The following USP7 variants were observed in gnomAD, a reference collection of about 807,000 sequenced individuals.
USP7 encodes ubiquitin specific peptidase 7.
Under a neutral mutation model 162.9 loss-of-function variants are expected in USP7, and 9 were observed. The ratio of observed to expected loss-of-function variants is 0.06; its 90% confidence interval spans 0.03 to 0.10. USP7 has a LOEUF of 0.10. Ranked by LOEUF, USP7 falls within the 10% of genes least tolerant of loss-of-function variation. The probability of loss-of-function intolerance (pLI) is 1.00; values close to 1 mark genes in which losing one functional copy is unlikely to be tolerated. For synonymous variants in USP7, 562 were observed against 475.9 expected (o/e 1.18, Z -2.35); for missense variants, 715 against 1,373.7 (o/e 0.52, Z 7.58).
At chr16:8,956,769 AC>A (rs1357745568) in intron 1 of USP7, among the ~76,000 whole-genome samples, 4 of 133,500 alleles carry the variant, frequency 3.0e-5, no homozygotes, top group East Asian at 2.3e-4. Flanking sequence ...TATTAAAAAA[AC>A]AAAAACAAAA....
chr16:8,900,775 G>A (rs1424138775), intron 20 of USP7, 145 bp from the exon 21 acceptor site: 9 of 730,714 alleles, frequency 1.2e-5, no homozygotes, highest in Non-Finnish European at 2.0e-5. Flanking sequence ...AAAGCTAAAT[G>A]AATAAATCCA....
intron 1 of USP7, among the ~76,000 whole-genome samples, chr16:8,934,643 G>C (rs1027338618): frequency 6.6e-6 from 1 of 152,258 alleles, no homozygotes; most frequent in African/African-American, 2.4e-5. Context: ...AGCAGAATCT[G>C]AGCAAGACCC....
intron 1 of USP7, among the ~76,000 whole-genome samples, chr16:8,931,974 T>C (rs1408707521): frequency 6.6e-6 from 1 of 152,170 alleles, no homozygotes; most frequent in Non-Finnish European, 1.5e-5. Context: ...GGTAGTTGTG[T>C]GTGTGGCCTT....
intron 22 of USP7, 168 bp downstream of exon 22, chr16:8,899,436 T>A: frequency 2.1e-6 from 2 of 941,890 alleles, no homozygotes; most frequent in Non-Finnish European, 3.1e-6. Flanking sequence ...TGATGGCGAT[T>A]ATTCTAGCTC....
chr16:8,960,952 T>C (rs1409570899), intron 1 of USP7, among the ~76,000 whole-genome samples: 1 of 152,148 alleles, frequency 6.6e-6, no homozygotes, highest in Non-Finnish European at 1.5e-5. Context: ...GATAATGAAA[T>C]TGAAACAGAG....
intron 22 of USP7, 30 bp downstream of exon 22, chr16:8,899,574 C>A: frequency 1.2e-6 from 2 of 1,608,824 alleles, no homozygotes; most frequent in Admixed American, 1.7e-5. Context: ...GGAGTGGGAT[C>A]TGAAGAGGAA....
chr16:8,903,235 A>C (rs1315472108), intron 16 of USP7, 33 bp downstream of exon 16: 1 of 1,592,968 alleles, frequency 6.3e-7, no homozygotes, highest in Admixed American at 1.7e-5. Context: ...GTTGGGAGCC[A>C]CGGTGGGGTA....
chr16:8,922,350 T>C (rs939482822), intron 3 of USP7, among the ~76,000 whole-genome samples: 4 of 152,044 alleles, frequency 2.6e-5, no homozygotes, highest in African/African-American at 9.7e-5. Flanking sequence ...TAGCTGGGTG[T>C]GGTGGCACAC....
At chr16:8,948,168 G>A (rs924800627) in intron 1 of USP7, among the ~76,000 whole-genome samples, 6 of 152,138 alleles carry the variant, frequency 3.9e-5, no homozygotes, top group African/African-American at 9.7e-5. Context: ...CTTTCCCACA[G>A]TTCCGCTCCC....
chr16:8,906,650 G>A, intron 12 of USP7, 68 bp from the exon 13 acceptor site: 2 of 1,488,298 alleles, frequency 1.3e-6, no homozygotes, highest in Non-Finnish European at 9.1e-7. Flanking sequence ...TTTACAGTAA[G>A]TAAGGCCATT....
At chr16:8,953,216 C>T (rs889317479) in intron 1 of USP7, among the ~76,000 whole-genome samples, 1 of 152,148 alleles carries the variant, frequency 6.6e-6, no homozygotes, top group Admixed American at 6.5e-5. Context: ...GTAAGCCAGT[C>T]CTGTCTCTCC....
chr16:8,896,796 CCT>C (rs578195916), intron 26 of USP7, among the ~76,000 whole-genome samples: 18 of 152,292 alleles, frequency 1.2e-4, no homozygotes, highest in African/African-American at 4.1e-4. Context: ...GAGGGTTACC[CCT>C]GAGACTTGAA....
At chr16:8,951,733 C>A (rs1215911346) in intron 1 of USP7, among the ~76,000 whole-genome samples, 1 of 152,240 alleles carries the variant, frequency 6.6e-6, no homozygotes, top group Admixed American at 6.5e-5. Context: ...ACATTTAAAT[C>A]TCTCCATACA....
chr16:8,903,287 T>C lies in USP7; in HGVS notation c.1820A>G (p.Gln607Arg), dbSNP rs1306720049. 4 of 1,613,884 alleles carry C rather than the reference T, an allele frequency of 2.5e-6. No homozygotes were observed. Among genetic ancestry groups the C allele is most frequent in the Non-Finnish European group, 3.4e-6 (4 of 1,179,964 alleles). Reference sequence around the variant, plus strand: ...ACGCACCATGGTCTGAGAGAGGCTCTGAACAAACTCAGCAAGCGAGGAGTT... The same window carrying C: ...ACGCACCATGGTCTGAGAGAGGCTCCGAACAAACTCAGCAAGCGAGGAGTT... ...LKNSSLAEFV[Q>R]SLSQTMGFPQ... is the part of the protein sequence containing the mutation. Residue 607 changes from glutamine (Q) to arginine (R), a missense_variant, in exon 16 of 31, where the codon CAG (glutamine) becomes CGG (arginine). Physicochemically the swap from Gln to Arg is conservative, Grantham distance 43. Around this residue, in one of 11 missense-constraint regions of USP7, gnomAD observed 197 missense variants for 306.5 expected, o/e 0.64. Transcript: ENST00000344836.
At chr16:8,938,047 G>T (rs1898848335) in intron 1 of USP7, among the ~76,000 whole-genome samples, 1 of 152,120 alleles carries the variant, frequency 6.6e-6, no homozygotes. Context: ...GTAAGGCAGG[G>T]CAGAATATCC....
chr16:8,897,724 A>ACATATATATATATATAT (rs59369679), intron 25 of USP7, among the ~76,000 whole-genome samples: 6 of 19,444 alleles, frequency 3.1e-4, no homozygotes, highest in Non-Finnish European at 4.0e-4. Flanking sequence ...AAAAAAAAAA[A>ACATATATATATATATAT]AAATATATAT....
rs374270832 is a variant in USP7 at position 8,920,465 on chromosome 16, G to C, written c.523-18C>G. ...GTCACTTCCTATAAAACATAAATAA[G>C]AATATCCAGCTTGAATAAGAACACA... is the stretch of plus-strand genomic sequence containing the variant. On this transcript the variant is annotated intron_variant, in intron 4 of 30. Transcript: ENST00000344836. The C allele has an allele frequency of 6.3e-7, 1 of 1,596,814 alleles. No homozygotes were observed. The highest frequency in any genetic ancestry group is 1.1e-5 in the South Asian group (1 of 89,142).
At chr16:8,953,435 G>A (rs1015960902) in intron 1 of USP7, among the ~76,000 whole-genome samples, 2 of 152,156 alleles carry the variant, frequency 1.3e-5, no homozygotes, top group African/African-American at 4.8e-5. Context: ...CTGCCACTAA[G>A]TAAAGTCTGA....
At chr16:8,897,493 G>C (rs2061701598) in intron 25 of USP7, among the ~76,000 whole-genome samples, 1 of 151,792 alleles carries the variant, frequency 6.6e-6, no homozygotes, top group Non-Finnish European at 1.5e-5. Context: ...TTCTACAAAG[G>C]TGAGGCTATT....
Sources: gnomAD v4.1 joint callset for allele counts (sites outside exome capture counted in the v4.1 genomes callset) on GRCh38, gnomAD v4.1.1 for gene constraint, gnomAD v4.1.1 regional missense constraint, MANE v1.5 for transcripts, NCBI Gene and HGNC (gene_info 2026-07-23, HGNC 2026-07-21) for gene names.